The following PHLPP1 variants were observed in gnomAD, a reference collection of about 807,000 sequenced individuals.
PHLPP1 encodes the protein PH domain and leucine rich repeat protein phosphatase 1.
PHLPP1 carries 42 observed loss-of-function variants against 117.2 expected under a neutral mutation model. The ratio of observed to expected loss-of-function variants is 0.36; its 90% CI spans 0.28 to 0.46. The LOEUF (loss-of-function observed/expected upper bound fraction) is 0.46. Ranked by LOEUF, PHLPP1 falls within the 20% of genes least tolerant of loss-of-function variation. PHLPP1 has a pLI of 1.00. For missense variants in PHLPP1, 2,084 were observed against 2,241.9 expected (o/e 0.93, Z 1.42); for synonymous variants, 1,042 against 970.7 (o/e 1.07, Z -1.37).
chr18:62,923,454 T>A (rs1450051200), intron 10 of PHLPP1, among the ~76,000 whole-genome samples: 5 of 152,206 alleles, frequency 3.3e-5, no homozygotes, highest in Admixed American at 3.3e-4. Flanking sequence ...TATAGTAGAA[T>A]CAGAGAGAAA....
At chr18:62,763,961 A>C (rs537588047) in intron 1 of PHLPP1, among the ~76,000 whole-genome samples, 1 of 152,128 alleles carries the variant, frequency 6.6e-6, no homozygotes, top group East Asian at 1.9e-4. Flanking sequence ...TCAGCAGTTC[A>C]AGACTAGCCT....
intron 12 of PHLPP1, among the ~76,000 whole-genome samples, chr18:62,952,468 T>C (rs1910491418): frequency 6.6e-6 from 1 of 152,178 alleles, no homozygotes; most frequent in South Asian, 2.1e-4. Context: ...CAAGGTTTCT[T>C]CTAGGCTTCC....
At chr18:62,921,024 A>G (rs1198793840) in intron 10 of PHLPP1, among the ~76,000 whole-genome samples, 1 of 152,230 alleles carries the variant, frequency 6.6e-6, no homozygotes, top group Non-Finnish European at 1.5e-5. Flanking sequence ...TTCAACATTA[A>G]ATGAAGCTCT....
chr18:62,755,000 A>T (rs749838286), intron 1 of PHLPP1, among the ~76,000 whole-genome samples: 9 of 152,188 alleles, frequency 5.9e-5, no homozygotes, highest in Non-Finnish European at 8.8e-5. Context: ...GATTTCTAAT[A>T]TGTGTCTCCA....
rs35106832 is a variant in PHLPP1, at chr18:62,746,681, AT to A, written c.1576+29435del. Reference sequence around the variant, plus strand: ...AACATTTTGCTGTGCTTCAGATGTGATTTTTTTTTTTTTAAGTTGTAAACCT... The same window carrying A: ...AACATTTTGCTGTGCTTCAGATGTGATTTTTTTTTTTTAAGTTGTAAACCT... On this transcript the variant is annotated intron_variant, in intron 1 of 16. Coordinates refer to ENST00000262719, the MANE Select transcript of PHLPP1 (RefSeq NM_194449.4). Among the ~76,000 whole-genome samples, 316 of 145,370 alleles carry A rather than the reference AT, an allele frequency of 2.2e-3. 1 individual carries two copies. Among genetic ancestry groups the A allele is most frequent in the African/African-American group, 4.5e-3 (180 of 39,792 alleles).
chr18:62,748,248 T>G (rs934080776), intron 1 of PHLPP1, among the ~76,000 whole-genome samples: 4 of 93,766 alleles, frequency 4.3e-5, no homozygotes, highest in African/African-American at 2.3e-4. Context: ...GTTTTTTTTG[T>G]TTTTTTTTTT....
At chr18:62,782,022 C>A (rs1599044395) in intron 1 of PHLPP1, among the ~76,000 whole-genome samples, 1 of 152,276 alleles carries the variant, frequency 6.6e-6, no homozygotes, top group Non-Finnish European at 1.5e-5. Flanking sequence ...GTTTCACATT[C>A]TTTTTTGTTA....
chr18:62,851,383 C>G (rs1270262002), intron 3 of PHLPP1, among the ~76,000 whole-genome samples: 1 of 152,086 alleles, frequency 6.6e-6, no homozygotes, highest in Non-Finnish European at 1.5e-5. Context: ...TAACAGGTAC[C>G]TCATAGCCTA....
At chr18:62,830,546 C>G (rs923621901) in intron 2 of PHLPP1, among the ~76,000 whole-genome samples, 2 of 152,122 alleles carry the variant, frequency 1.3e-5, no homozygotes, top group African/African-American at 4.8e-5. Flanking sequence ...AAGTTTAAAA[C>G]AAACAAAATA....
At chr18:62,975,318 G>T in intron 15 of PHLPP1, 79 bp from the exon 16 acceptor site, 1 of 909,426 alleles carries the variant, frequency 1.1e-6, no homozygotes, top group Non-Finnish European at 1.8e-6. Flanking sequence ...CTGTCCAGTG[G>T]TGCGGTCTTG....
intron 13 of PHLPP1, among the ~76,000 whole-genome samples, chr18:62,962,391 T>C (rs1329743222): frequency 2.0e-5 from 3 of 152,202 alleles, no homozygotes; most frequent in Non-Finnish European, 2.9e-5. Context: ...CACCGCAACC[T>C]CCACCTCCCG....
chr18:62,838,475 A>G, intron 2 of PHLPP1: 1 of 212,234 alleles, frequency 4.7e-6, no homozygotes, highest in Non-Finnish European at 9.3e-6. Context: ...TCTAAGAGGA[A>G]GTAAGAACCC....
chr18:62,764,661 A>G (rs1912401944), intron 1 of PHLPP1, among the ~76,000 whole-genome samples: 1 of 152,226 alleles, frequency 6.6e-6, no homozygotes, highest in African/African-American at 2.4e-5. Context: ...CTGAGCACCA[A>G]AATGGGGATG....
rs1360947810 is a variant in PHLPP1, at chr18:62,716,918, C to T, written c.1235C>T (p.Ser412Leu). 2.6e-6 allele frequency: 4 copies of T among 1,533,462 alleles called. No homozygotes were observed. The highest frequency in any genetic ancestry group is 1.8e-4 in the Middle Eastern group (1 of 5,710). The allele number at this position is 1,533,462 out of a possible 1,614,324, so 95.0% of individuals were successfully genotyped here. The change falls in exon 1 of 17, where the codon TCG (serine) becomes TTG (leucine). Residue 412 changes from serine (S) to leucine (L), a missense_variant. Coordinates refer to ENST00000262719, the MANE Select transcript of PHLPP1 (RefSeq NM_194449.4). The surrounding 1 kb of genome is among the most constrained non-coding windows in gnomAD (Gnocchi z 5.7). ...QPLPLPQTAS[S>L]PQPQQKAPRA... ...CTCCCGCTTCCCCAGACGGCTTCCT[C>T]GCCTCAGCCGCAGCAGAAAGCCCCG... is the stretch of plus-strand genomic sequence containing the variant.
At chr18:62,758,120 A>C (rs891498965) in intron 1 of PHLPP1, among the ~76,000 whole-genome samples, 2 of 152,234 alleles carry the variant, frequency 1.3e-5, no homozygotes, top group Non-Finnish European at 2.9e-5. Context: ...ATATACATTT[A>C]AAGTTTATTA....
intron 4 of PHLPP1, among the ~76,000 whole-genome samples, chr18:62,863,786 T>TGGCCAGC (rs1915693520): frequency 1.3e-5 from 2 of 152,188 alleles, no homozygotes; most frequent in Admixed American, 1.3e-4. Context: ...GCCAGCTTCT[T>TGGCCAGC]TACCGCATCC....
rs554336811 is a variant in PHLPP1 at position 62,978,446 on chromosome 18, G to A, written c.4169G>A (p.Arg1390His). 3.0e-5 allele frequency: 48 copies of A among 1,611,270 alleles called. No individual in the cohort carries two copies. The highest frequency in any genetic ancestry group is 6.7e-5 in the African/African-American group (5 of 74,988). ...LSVEEAVEAV[R>H]NVPDALAAAK... ...GTCGAGGAGGCCGTGGAAGCCGTGCGCAACGTGCCCGATGCCCTGGCTGCT... is the reference window on the plus strand; with the variant it reads ...GTCGAGGAGGCCGTGGAAGCCGTGCACAACGTGCCCGATGCCCTGGCTGCT... The change falls in exon 17 of 17, where the codon CGC becomes CAC. Residue 1390 changes from arginine (R) to histidine (H), a missense_variant. Around this residue, in one of 2 missense-constraint regions of PHLPP1, gnomAD observed 1,365 missense variants for 1,605.9 expected, o/e 0.85. Coordinates refer to ENST00000262719, the MANE Select transcript of PHLPP1 (RefSeq NM_194449.4). The surrounding 1 kb of genome is among the most constrained non-coding windows in gnomAD (Gnocchi z 7.0).
At chr18:62,943,130 T>C (rs1910177522) in intron 11 of PHLPP1, among the ~76,000 whole-genome samples, 1 of 152,194 alleles carries the variant, frequency 6.6e-6, no homozygotes, top group South Asian at 2.1e-4. Context: ...TCTGAGGATA[T>C]ACCCCCAGTG....
chr18:62,897,462 G>T (rs1435272715), intron 6 of PHLPP1, among the ~76,000 whole-genome samples: 2 of 152,072 alleles, frequency 1.3e-5, no homozygotes, highest in African/African-American at 4.8e-5. Context: ...AGATAGGTTT[G>T]TTCTAATTCT....
Sources: gnomAD v4.1 joint callset for allele counts (sites outside exome capture counted in the v4.1 genomes callset) on GRCh38, gnomAD v4.1.1 for gene constraint, gnomAD v4.1.1 regional missense constraint, Gnocchi (gnomAD v3.1) non-coding constraint, MANE v1.5 for transcripts, NCBI Gene and HGNC (gene_info 2026-07-23, HGNC 2026-07-21) for gene names.